The following PLA2G4C variants were observed in gnomAD, a reference collection of about 807,000 sequenced individuals.
The protein encoded by PLA2G4C is phospholipase A2 group IVC.
In PLA2G4C, 64 loss-of-function variants were observed where a neutral mutation model predicts 73.8. That is an observed-to-expected ratio of 0.87 (90% confidence interval 0.71 to 1.07). The LOEUF (loss-of-function observed/expected upper bound fraction) is 1.07, where lower values mean the gene tolerates loss of function less well. Ranked by LOEUF, PLA2G4C falls within the 50% of genes least tolerant of loss-of-function variation. The pLI, the probability that PLA2G4C is intolerant of heterozygous loss-of-function variation, is 0.00. For missense variants in PLA2G4C, 622 were observed against 665.4 expected (o/e 0.93, Z 0.72); for synonymous variants, 254 against 252.1 (o/e 1.01, Z -0.07).
At chr19:48,089,009 G>A (rs2031142712) in intron 8 of PLA2G4C, among the ~76,000 whole-genome samples, 1 of 152,184 alleles carries the variant, frequency 6.6e-6, no homozygotes, top group Admixed American at 6.5e-5. Flanking sequence ...AAGCTTAGCA[G>A]ACCCACTGGA....
chr19:48,058,891 G>A (rs1028609514), intron 14 of PLA2G4C, among the ~76,000 whole-genome samples: 5 of 151,882 alleles, frequency 3.3e-5, no homozygotes, highest in Admixed American at 2.0e-4. Flanking sequence ...CCCCATCATG[G>A]AAAGAATTAA....
At chr19:48,110,448 C>T (rs1445367798) in intron 1 of PLA2G4C, 39 bp downstream of exon 1, 2 of 1,456,926 alleles carry the variant, frequency 1.4e-6, no homozygotes, top group South Asian at 2.7e-5. Context: ...ATGGCCGCCC[C>T]AGCGGGATGA....
At chr19:48,059,196 A>C (rs1429092508) in intron 14 of PLA2G4C, among the ~76,000 whole-genome samples, 1 of 149,656 alleles carries the variant, frequency 6.7e-6, no homozygotes, top group Non-Finnish European at 1.5e-5. Context: ...GCTTGAACCC[A>C]GGAGGTGGAG....
intron 15 of PLA2G4C, among the ~76,000 whole-genome samples, chr19:48,054,238 A>G (rs1307706703): frequency 6.6e-6 from 1 of 152,114 alleles, no homozygotes; most frequent in Non-Finnish European, 1.5e-5. Flanking sequence ...TAATTGAAGC[A>G]TGGAAGTGGT....
intron 9 of PLA2G4C, 138 bp downstream of exon 9, chr19:48,088,548 T>C (rs1382780945): frequency 3.0e-6 from 2 of 669,290 alleles, no homozygotes; most frequent in East Asian, 2.7e-5. Flanking sequence ...CAAGATGAAA[T>C]CTTTGAAATA....
At chr19:48,098,858 C>T (rs2031754440) in intron 5 of PLA2G4C, among the ~76,000 whole-genome samples, 1 of 149,616 alleles carries the variant, frequency 6.7e-6, no homozygotes, top group Admixed American at 6.7e-5. Context: ...GCTGTGATTG[C>T]ACCACTGCAC....
chr19:48,097,169 A>G (rs2031619579), intron 6 of PLA2G4C: 1 of 150,936 alleles, frequency 6.6e-6, no homozygotes, highest in South Asian at 2.1e-4. Context: ...AAAAAAAAAA[A>G]AAGTGAGAGA....
chr19:48,100,692 G>A (rs892253723), intron 4 of PLA2G4C, among the ~76,000 whole-genome samples: 66 of 147,764 alleles, frequency 4.5e-4, no homozygotes, highest in African/African-American at 1.5e-3. Context: ...TGCGGATCAC[G>A]AGGTCAGGAG....
chr19:48,083,057 A>G (rs981688940), intron 10 of PLA2G4C, among the ~76,000 whole-genome samples: 5 of 145,974 alleles, frequency 3.4e-5, no homozygotes, highest in South Asian at 2.2e-4. Context: ...CTGGTGATCC[A>G]CCCGCCTCGG....
At position 48,067,882 on chromosome 19, in the gene PLA2G4C, T is replaced by A; in HGVS notation, c.1011A>T (p.Ser337=). 1 of 1,612,026 alleles carries A rather than the reference T, an allele frequency of 6.2e-7. No homozygotes were observed. The highest frequency in any genetic ancestry group is 8.5e-7 in the Non-Finnish European group (1 of 1,178,112). The part of the protein sequence containing the change: ...QPHEDPERKG[S]LSNLMDFVKK... Reference sequence around the variant, plus strand: ...TCACAAAATCCATCAAGTTACTGAGTGAGCCTAGGGAAAGAAGCCGAGACA... The same window carrying A: ...TCACAAAATCCATCAAGTTACTGAGAGAGCCTAGGGAAAGAAGCCGAGACA... Residue 337 remains serine (S), a synonymous_variant, in exon 13 of 17, where the codon TCA becomes TCT. Coordinates refer to ENST00000599921, the MANE Select transcript of PLA2G4C (RefSeq NM_003706.3).
chr19:48,106,431 C>T (rs909612707), intron 2 of PLA2G4C, 91 bp downstream of exon 2: 4 of 987,926 alleles, frequency 4.0e-6, no homozygotes, highest in Non-Finnish European at 6.5e-6. Context: ...GCGAGAGGAA[C>T]TGTCACAGCC....
intron 12 of PLA2G4C, among the ~76,000 whole-genome samples, chr19:48,074,226 C>T (rs1301634605): frequency 2.6e-5 from 4 of 151,966 alleles, no homozygotes; most frequent in East Asian, 1.9e-4. Context: ...TAAGTGAGAA[C>T]ATGTGGTGTT....
intron 10 of PLA2G4C, among the ~76,000 whole-genome samples, chr19:48,081,703 G>C (rs571655008): frequency 1.5e-4 from 23 of 152,148 alleles, no homozygotes; most frequent in Middle Eastern, 6.8e-3. Flanking sequence ...AGGTTGCGGT[G>C]AGCAGAGATC....
At chr19:48,081,082 G>A (rs1381943368) in intron 10 of PLA2G4C, among the ~76,000 whole-genome samples, 14 of 151,160 alleles carry the variant, frequency 9.3e-5, no homozygotes, top group Admixed American at 3.3e-4. Flanking sequence ...GGAGAATGGC[G>A]TGAACCTGGG....
chr19:48,080,056 G>A (rs149799683), intron 10 of PLA2G4C, among the ~76,000 whole-genome samples: 1 of 152,088 alleles, frequency 6.6e-6, no homozygotes, highest in African/African-American at 2.4e-5. Flanking sequence ...CACTGAATGC[G>A]AGCAAATATT....
intron 13 of PLA2G4C, 99 bp downstream of exon 13, chr19:48,067,692 A>C: frequency 1.2e-6 from 1 of 815,652 alleles, no homozygotes; most frequent in Non-Finnish European, 2.1e-6. Flanking sequence ...GCTCTGGGGA[A>C]GGACCAGCCT....
intron 13 of PLA2G4C, chr19:48,064,741 T>C (rs1298262050): frequency 6.6e-6 from 1 of 152,076 alleles, no homozygotes; most frequent in Non-Finnish European, 1.5e-5. Flanking sequence ...CTTTGAAACA[T>C]TCCAATAGAA....
intron 14 of PLA2G4C, 101 bp downstream of exon 14, chr19:48,061,897 A>C: frequency 1.6e-6 from 2 of 1,241,052 alleles, no homozygotes; most frequent in East Asian, 4.9e-5. Flanking sequence ...GCACCTCCCC[A>C]TTGCCCGCTT....
intron 7 of PLA2G4C, 131 bp downstream of exon 7, chr19:48,095,333 G>A (rs984774824): frequency 2.5e-6 from 2 of 802,070 alleles, no homozygotes; most frequent in Non-Finnish European, 4.1e-6. Flanking sequence ...TCCTCTTTCT[G>A]GAAGCCTACC....
Sources: allele counts gnomAD v4.1 joint callset (sites outside exome capture counted in the v4.1 genomes callset), GRCh38; gene constraint gnomAD v4.1.1; transcripts MANE v1.5; gene names NCBI Gene and HGNC (gene_info 2026-07-23, HGNC 2026-07-21).